CADPS2: variants seen among roughly 807,000 people sequenced by gnomAD.
The protein encoded by CADPS2 is calcium dependent secretion activator 2.
In CADPS2, 93 loss-of-function variants were observed where a neutral mutation model predicts 172.5. That is an observed-to-expected ratio of 0.54 (90% CI 0.46 to 0.64). CADPS2 has a LOEUF of 0.64. Ranked by LOEUF, CADPS2 falls within the 30% of genes least tolerant of loss-of-function variation. The pLI is 0.00. For synonymous variants in CADPS2, 546 were observed against 555.2 expected (o/e 0.98, Z 0.23); for missense variants, 1,420 against 1,565.9 (o/e 0.91, Z 1.57).
intron 1 of CADPS2, among the ~76,000 whole-genome samples, chr7:122,884,229 T>C (rs1408638205): frequency 1.3e-5 from 2 of 152,170 alleles, no homozygotes; most frequent in Non-Finnish European, 2.9e-5. Context: ...CTGGATGATA[T>C]GAACTCATAC....
chr7:122,715,789 C>A (rs1405582562), intron 2 of CADPS2, among the ~76,000 whole-genome samples: 1 of 151,968 alleles, frequency 6.6e-6, no homozygotes, highest in African/African-American at 2.4e-5. Flanking sequence ...ACATGGTCTG[C>A]CCCTAGTAAG....
rs145992267 is a variant in CADPS2 at position 122,553,688 on chromosome 7, T to C, written c.1475+862A>G. 3.3e-3 allele frequency among the ~76,000 whole-genome samples: 501 copies of C among 152,236 alleles called. 5 individuals carry two copies. Among genetic ancestry groups the C allele is most frequent in the African/African-American group, 0.012 (483 of 41,556 alleles). Reference sequence around the variant, plus strand: ...TCAGTTCGCTCCACCCTGATGTTAGTGATTGGGCCCTAATGCCAGCAGACT... The same window carrying C: ...TCAGTTCGCTCCACCCTGATGTTAGCGATTGGGCCCTAATGCCAGCAGACT... On this transcript the variant is annotated intron_variant, in intron 8 of 29. Coordinates refer to ENST00000449022, the MANE Select transcript of CADPS2 (RefSeq NM_017954.11).
chr7:122,500,840 A>G (rs1262403461), intron 9 of CADPS2, among the ~76,000 whole-genome samples: 4 of 152,328 alleles, frequency 2.6e-5, no homozygotes, highest in African/African-American at 7.2e-5. Flanking sequence ...TATATTTTAT[A>G]TATTAGTACT....
At chr7:122,805,730 T>C (rs1798658850) in intron 1 of CADPS2, among the ~76,000 whole-genome samples, 1 of 152,214 alleles carries the variant, frequency 6.6e-6, no homozygotes, top group African/African-American at 2.4e-5. Context: ...AGGCCAATGC[T>C]GGTAGTATAC....
intron 28 of CADPS2, among the ~76,000 whole-genome samples, chr7:122,335,875 G>A (rs1321180303): frequency 6.6e-6 from 1 of 152,210 alleles, no homozygotes; most frequent in Non-Finnish European, 1.5e-5. Flanking sequence ...TTATTCCTTA[G>A]AGGATGCTGG....
intron 8 of CADPS2, among the ~76,000 whole-genome samples, chr7:122,547,390 T>C (rs1363239288): frequency 6.6e-6 from 1 of 152,188 alleles, no homozygotes; most frequent in Non-Finnish European, 1.5e-5. Flanking sequence ...AATAATGTTT[T>C]GAAACACACT....
intron 1 of CADPS2, among the ~76,000 whole-genome samples, chr7:122,767,899 C>T (rs980575826): frequency 1.4e-4 from 21 of 152,132 alleles, no homozygotes; most frequent in Admixed American, 1.1e-3. Flanking sequence ...AACTGTGACA[C>T]GGATCTGCTG....
At chr7:122,763,444 A>G (rs7807754) in intron 1 of CADPS2, among the ~76,000 whole-genome samples, 3 of 152,184 alleles carry the variant, frequency 2.0e-5, no homozygotes, top group African/African-American at 7.2e-5. Context: ...ATTTAGAAAT[A>G]TGGGTCATAT....
intron 1 of CADPS2, among the ~76,000 whole-genome samples, chr7:122,867,962 C>T (rs1818739811): frequency 6.6e-6 from 1 of 152,126 alleles, no homozygotes; most frequent in Admixed American, 6.5e-5. Context: ...GTGCCTTTCT[C>T]CCTGGTTCAT....
At chr7:122,765,965 C>T (rs2093537962) in intron 1 of CADPS2, among the ~76,000 whole-genome samples, 1 of 152,140 alleles carries the variant, frequency 6.6e-6, no homozygotes, top group East Asian at 1.9e-4. Flanking sequence ...AACAGAATAC[C>T]TGACACTGGG....
At chr7:122,657,817 A>G (rs2079996717) in intron 3 of CADPS2, among the ~76,000 whole-genome samples, 1 of 152,112 alleles carries the variant, frequency 6.6e-6, no homozygotes, top group South Asian at 2.1e-4. Context: ...CTCCTGCCTG[A>G]TTGCCCTGGC....
intron 2 of CADPS2, among the ~76,000 whole-genome samples, chr7:122,671,090 C>G (rs973105745): frequency 1.3e-5 from 2 of 152,144 alleles, no homozygotes; most frequent in Non-Finnish European, 2.9e-5. Context: ...GATCCTGTAT[C>G]GTACGCTGTT....
At chr7:122,504,845 A>G (rs1031745417) in intron 9 of CADPS2, among the ~76,000 whole-genome samples, 1 of 152,162 alleles carries the variant, frequency 6.6e-6, no homozygotes, top group Non-Finnish European at 1.5e-5. Context: ...GATTATAGGT[A>G]TCATCACCAT....
At chr7:122,866,262 T>C (rs1283253543) in intron 1 of CADPS2, among the ~76,000 whole-genome samples, 1 of 152,248 alleles carries the variant, frequency 6.6e-6, no homozygotes, top group Non-Finnish European at 1.5e-5. Flanking sequence ...GGCTATATTC[T>C]ATATTACCTC....
intron 27 of CADPS2, among the ~76,000 whole-genome samples, chr7:122,350,086 GC>G (rs937874227): frequency 3.9e-4 from 59 of 152,282 alleles, no homozygotes; most frequent in African/African-American, 1.4e-3. Context: ...AGAAAAGCTT[GC>G]CTTGAAGAAA....
intron 1 of CADPS2, among the ~76,000 whole-genome samples, chr7:122,849,115 G>A (rs1229974348): frequency 5.3e-5 from 8 of 152,004 alleles, no homozygotes; most frequent in South Asian, 2.1e-4. Flanking sequence ...AACTATACAC[G>A]GACAACTCAG....
intron 1 of CADPS2, among the ~76,000 whole-genome samples, chr7:122,852,770 A>C (rs1169717540): frequency 6.6e-6 from 1 of 152,160 alleles, no homozygotes; most frequent in Non-Finnish European, 1.5e-5. Context: ...TTACGCTTTT[A>C]CTGGGAGTGA....
At chr7:122,879,500 A>G (rs1822283470) in intron 1 of CADPS2, among the ~76,000 whole-genome samples, 1 of 152,134 alleles carries the variant, frequency 6.6e-6, no homozygotes, top group South Asian at 2.1e-4. Context: ...ACACCACTGC[A>G]CTCTAGCCTG....
chr7:122,329,939 C>G (rs969651825), intron 28 of CADPS2, among the ~76,000 whole-genome samples: 13 of 152,154 alleles, frequency 8.5e-5, no homozygotes, highest in Non-Finnish European at 1.5e-5. Flanking sequence ...TTCGCTAGGG[C>G]ACAAATCTGT....
Sources: allele counts gnomAD v4.1 joint callset (sites outside exome capture counted in the v4.1 genomes callset), GRCh38; gene constraint gnomAD v4.1.1; transcripts MANE v1.5; gene names NCBI Gene and HGNC (gene_info 2026-07-23, HGNC 2026-07-21).